Variants in BRAF observed in about 807,000 individuals in gnomAD.
BRAF encodes B-Raf proto-oncogene, serine/threonine kinase.
BRAF carries 16 observed loss-of-function variants against 104.6 expected under a neutral mutation model. The observed-to-expected ratio is 0.15, with a 90% confidence interval of 0.10 to 0.23. BRAF has a LOEUF of 0.23. BRAF is among the 10% of genes least tolerant of loss of function. The probability of loss-of-function intolerance (pLI) is 1.00; values close to 1 mark genes in which losing one functional copy is unlikely to be tolerated. For missense variants in BRAF, 541 were observed against 937.3 expected, an observed-to-expected ratio of 0.58 and a Z score of 5.52; for synonymous variants, 310 against 341.6, an observed-to-expected ratio of 0.91 and a Z score of 1.02.
Position 140,850,092 on chromosome 7 carries a change from A to C in BRAF, c.240+19T>G. On this transcript the variant is annotated intron_variant, in intron 2 of 19. Transcript: ENST00000644969. ...TTTTTTCTTTTCAAAATTACTAGAT[A>C]TGATACTCAAAAGCTTACCTCCAGA... 1 of 1,529,200 alleles carries C rather than the reference A, an allele frequency of 6.5e-7. No homozygotes were observed. Among genetic ancestry groups the C allele is most frequent in the Non-Finnish European group, 9.0e-7 (1 of 1,105,984 alleles). The allele number at this position is 1,529,200 out of a possible 1,614,324, so 94.7% of individuals were successfully genotyped here.
In BRAF at chr7:140,827,911, T is replaced by A. The variant is rs191551316; in HGVS notation, c.504+6698A>T. ...CTGAAATTTTATTTATTTATTTTTT[T>A]TTGAGATGGAGTTTTGCTCTTGTTG... On this transcript the variant is annotated intron_variant, in intron 3 of 19. Transcript: ENST00000644969. Among the ~76,000 whole-genome samples, 31 of 152,370 alleles carry A rather than the reference T, an allele frequency of 2.0e-4. 1 individual carries two copies. The highest frequency in any genetic ancestry group is 2.9e-5 in the Non-Finnish European group (2 of 68,040).
At chr7:140,830,507 C>CA (rs1806606525) in intron 3 of BRAF, among the ~76,000 whole-genome samples, 1 of 152,172 alleles carries the variant, frequency 6.6e-6, no homozygotes, top group African/African-American at 2.4e-5. Context: ...GTTCCTGACA[C>CA]AGAGCTCTGA....
At chr7:140,770,527 C>CAAAAAAAAAAAAAAAAA (rs35621209) in intron 14 of BRAF, among the ~76,000 whole-genome samples, 1 of 63,586 alleles carries the variant, frequency 1.6e-5, no homozygotes, top group Non-Finnish European at 3.8e-5. Context: ...TAAGGCCTGC[C>CAAAAAAAAAAAAAAAAA]AAAAAAAAAA....
chr7:140,714,829 T>C (rs985959553), downstream of BRAF, among the ~76,000 whole-genome samples: 1 of 152,136 alleles, frequency 6.6e-6, no homozygotes, highest in Non-Finnish European at 1.5e-5. Flanking sequence ...GTGCTAGAGA[T>C]GGGCGAGAAA....
At chr7:140,844,459 T>C (rs1808334332) in intron 2 of BRAF, among the ~76,000 whole-genome samples, 2 of 152,208 alleles carry the variant, frequency 1.3e-5, no homozygotes, top group African/African-American at 4.8e-5. Flanking sequence ...TCTGCTGCTG[T>C]CTTTCCTGTT....
chr7:140,813,870 T>C (rs557757339), intron 3 of BRAF, among the ~76,000 whole-genome samples: 1 of 151,706 alleles, frequency 6.6e-6, no homozygotes, highest in Non-Finnish European at 1.5e-5. Context: ...CACATGCACA[T>C]GCATGCGGAC....
chr7:140,892,348 G>A (rs1814333138), intron 1 of BRAF, among the ~76,000 whole-genome samples: 1 of 152,146 alleles, frequency 6.6e-6, no homozygotes, highest in African/African-American at 2.4e-5. Context: ...AATCCCAAAA[G>A]GGGAGCTATA....
intron 8 of BRAF, among the ~76,000 whole-genome samples, chr7:140,788,530 G>T (rs1042199321): frequency 6.6e-6 from 1 of 152,054 alleles, no homozygotes; most frequent in Non-Finnish European, 1.5e-5. Context: ...TAAAAATATG[G>T]ATGGATAAGG....
intron 3 of BRAF, among the ~76,000 whole-genome samples, chr7:140,810,307 AC>A (rs1258842808): frequency 6.6e-6 from 1 of 152,132 alleles, no homozygotes; most frequent in Non-Finnish European, 1.5e-5. Context: ...AGTGGCTAAC[AC>A]CTGTAATCCC....
intron 3 of BRAF, among the ~76,000 whole-genome samples, chr7:140,823,332 C>G (rs1805677356): frequency 1.3e-5 from 2 of 152,118 alleles, no homozygotes; most frequent in Non-Finnish European, 2.9e-5. Context: ...CACCCCTTCC[C>G]CCAGCCCCTG....
In BRAF at chr7:140,725,423, ATTG is replaced by A. The variant is rs1192938546; in HGVS notation, c.*1068_*1070del. 3 of 952,644 alleles carry A rather than the reference ATTG, an allele frequency of 3.1e-6. No individual in the cohort carries two copies. The highest frequency in any genetic ancestry group is 1.7e-5 in the African/African-American group (1 of 57,860). The allele number at this position is 952,644 out of a possible 1,614,324, so 59.0% of individuals were successfully genotyped here. On this transcript the variant is annotated 3_prime_UTR_variant, in exon 20 of 20. Coordinates refer to ENST00000644969, the MANE Select transcript of BRAF (RefSeq NM_001374258.1). ...AGGATATATAATTCTGGTGGGAAGT[ATTG>A]TTTTTTTCCAATTCAATTAAATCTG...
chr7:140,826,392 G>C (rs1241858755), intron 3 of BRAF, among the ~76,000 whole-genome samples: 1 of 152,080 alleles, frequency 6.6e-6, no homozygotes, highest in Non-Finnish European at 1.5e-5. Flanking sequence ...CAGAAAATCT[G>C]AACAAATGGT....
At chr7:140,908,827 C>A (rs1816628912) in intron 1 of BRAF, among the ~76,000 whole-genome samples, 1 of 135,658 alleles carries the variant, frequency 7.4e-6, no homozygotes, top group African/African-American at 2.5e-5. Flanking sequence ...CCTCTTCACC[C>A]CAATGGTCCA....
In BRAF at chr7:140,724,037, T is replaced by A; in HGVS notation, c.*2457A>T. On this transcript the variant is annotated 3_prime_UTR_variant, in exon 20 of 20. Coordinates refer to ENST00000644969, the MANE Select transcript of BRAF (RefSeq NM_001374258.1). ...TTTAAGGTATCTATAAAAATCTCAA[T>A]ATGCTAAGCCTGGCTCCTGGGCACA... 1 of 1,046,698 alleles carries A rather than the reference T, an allele frequency of 9.6e-7. No individual in the cohort carries two copies. Among genetic ancestry groups the A allele is most frequent in the Non-Finnish European group, 1.2e-6 (1 of 867,588 alleles). The allele number at this position is 1,046,698 out of a possible 1,614,324, so 64.8% of individuals were successfully genotyped here.
intron 1 of BRAF, among the ~76,000 whole-genome samples, chr7:140,858,855 A>AAGAATTAGAATTATAG (rs1406483379): frequency 6.6e-6 from 1 of 151,952 alleles, no homozygotes. Flanking sequence ...AAAGAGGCAT[A>AAGAATTAGAATTATAG]AGAATTAGAA....
At chr7:140,854,744 G>A (rs1809577528) in intron 1 of BRAF, among the ~76,000 whole-genome samples, 1 of 151,960 alleles carries the variant, frequency 6.6e-6, no homozygotes, top group African/African-American at 2.4e-5. Flanking sequence ...TCAGGAGTTC[G>A]AGACCAGCTG....
chr7:140,822,100 C>G (rs1562977490), intron 3 of BRAF, among the ~76,000 whole-genome samples: 1 of 152,054 alleles, frequency 6.6e-6, no homozygotes, highest in Non-Finnish European at 1.5e-5. Context: ...TACATCAAAC[C>G]TCAGCATCAT....
At chr7:140,837,024 AACT>A (rs1275179158) in intron 2 of BRAF, among the ~76,000 whole-genome samples, 1 of 152,202 alleles carries the variant, frequency 6.6e-6, no homozygotes, top group African/African-American at 2.4e-5. Flanking sequence ...ACAGATTATA[AACT>A]ATCACTTCAC....
At chr7:140,761,269 T>G (rs1274139252) in intron 14 of BRAF, among the ~76,000 whole-genome samples, 1 of 152,136 alleles carries the variant, frequency 6.6e-6, no homozygotes, top group Non-Finnish European at 1.5e-5. Context: ...CAACCCAGAA[T>G]TTCATATCCA....
Sources: gnomAD v4.1 joint callset for allele counts (sites outside exome capture counted in the v4.1 genomes callset) on GRCh38, gnomAD v4.1.1 for gene constraint, MANE v1.5 for transcripts, NCBI Gene and HGNC (gene_info 2026-07-23, HGNC 2026-07-21) for gene names.